The following PRL variants were observed in gnomAD, a reference collection of about 807,000 sequenced individuals.
PRL encodes the protein decidual prolactin.
A neutral mutation model predicts 21.3 loss-of-function variants in PRL; 24 were observed. The ratio of observed to expected loss-of-function variants is 1.13; its 90% CI spans 0.82 to 1.59. The LOEUF (loss-of-function observed/expected upper bound fraction) is 1.59. Ranked by LOEUF, PRL falls within the 40% of genes most tolerant of loss-of-function variation. The pLI, the probability that PRL is intolerant of heterozygous loss-of-function variation, is 0.00. For synonymous variants in PRL, 118 were observed against 115.7 expected (o/e 1.02, Z -0.13); for missense variants, 243 against 286.9 (o/e 0.85, Z 1.10).
rs777645827 is a variant in PRL at position 22,290,235 on chromosome 6, G to C, written c.431C>G (p.Ala144Gly). The C allele has an allele frequency of 1.9e-6, 3 of 1,612,488 alleles. No individual in the cohort carries two copies. The highest frequency in any genetic ancestry group is 2.5e-6 in the Non-Finnish European group (3 of 1,178,788). Residue 144 changes from alanine to glycine, a missense_variant, in exon 4 of 5, where the codon GCT becomes GGT. Ala to Gly is a moderately conservative substitution (Grantham distance 60). Transcript: ENST00000306482. Reference sequence around the variant, plus strand: ...TTTGGTTTGCTCCTCAATCTCTACAGCTTTGGATAGGATAGCCTCCGGGGC... The same window carrying C: ...TTTGGTTTGCTCCTCAATCTCTACACCTTTGGATAGGATAGCCTCCGGGGC... ...QEAPEAILSK[A>G]VEIEEQTKRL...
chr6:22,290,007 A>G (rs1761011560), intron 4 of PRL, among the ~76,000 whole-genome samples, 167 bp downstream of exon 4: 1 of 152,192 alleles, frequency 6.6e-6, no homozygotes, highest in East Asian at 1.9e-4. Flanking sequence ...ATTCATTTAC[A>G]TGTATGTAAA....
At chr6:22,293,818 A>G (rs1392095637) in intron 2 of PRL, among the ~76,000 whole-genome samples, 1 of 151,830 alleles carries the variant, frequency 6.6e-6, no homozygotes, top group Non-Finnish European at 1.5e-5. Context: ...GAAGGAAGGA[A>G]GGGAGGAAAA....
intron 4 of PRL, among the ~76,000 whole-genome samples, chr6:22,289,497 A>C (rs954306596): frequency 6.6e-6 from 1 of 152,218 alleles, no homozygotes; most frequent in Non-Finnish European, 1.5e-5. Flanking sequence ...GTACAATGAC[A>C]TGAGTTTTGA....
chr6:22,287,641 T>G (rs1760951214), intron 4 of PRL, 48 bp from the exon 5 acceptor site: 12 of 1,439,044 alleles, frequency 8.3e-6, no homozygotes, highest in Non-Finnish European at 1.1e-5. Context: ...TATTAGTATT[T>G]GTATGTCCTT....
upstream of PRL, chr6:22,297,380 G>C (rs1240921712): frequency 2.8e-5 from 5 of 181,034 alleles, no homozygotes; most frequent in Non-Finnish European, 5.8e-5. Context: ...TGAATATATA[G>C]GATTATATTT....
Position 22,294,535 on chromosome 6 carries a change from C to T in PRL, c.78G>A (p.Val26=), listed in dbSNP as rs6240. Reference sequence around the variant, plus strand: ...CGCCGGGACAGATGGGCAAGGGGGCCACGCTCTGGCACAGGAGCAGGTTTG... The same window carrying T: ...CGCCGGGACAGATGGGCAAGGGGGCTACGCTCTGGCACAGGAGCAGGTTTG... ...LVSNLLLCQS[V]APLPICPGGA... Residue 26 remains valine (V), a synonymous_variant, in exon 2 of 5, where the codon GTG becomes GTA. Coordinates refer to ENST00000306482, the MANE Select transcript of PRL (RefSeq NM_000948.6). 2.1e-3 allele frequency: 3,326 copies of T among 1,613,454 alleles called. 57 individuals are homozygous for T. In the African/African-American group the frequency reaches 0.038, roughly 18 times the overall value.
upstream of PRL, among the ~76,000 whole-genome samples, chr6:22,300,401 G>T (rs1761261402): frequency 3.9e-5 from 6 of 152,208 alleles, no homozygotes; most frequent in Admixed American, 3.9e-4. Context: ...CCAGTTACAG[G>T]CTACAAACTG....
At chr6:22,297,147 T>A (rs766788208), upstream of PRL, 1 of 655,280 alleles carries the variant, frequency 1.5e-6, no homozygotes, top group South Asian at 2.0e-5. Flanking sequence ...TCATTGAGAT[T>A]ACCCCCATAA....
chr6:22,298,351 T>G (rs935683185), upstream of PRL, among the ~76,000 whole-genome samples: 1 of 152,222 alleles, frequency 6.6e-6, no homozygotes, highest in Non-Finnish European at 1.5e-5. Context: ...TTTCTCTAAT[T>G]TTTAAGTCCA....
chr6:22,292,742 AT>A, intron 2 of PRL, 97 bp from the exon 3 acceptor site: 1 of 968,964 alleles, frequency 1.0e-6, no homozygotes, highest in Non-Finnish European at 1.5e-6. Flanking sequence ...CAGATGTGTA[AT>A]TTTAAAAAAT....
upstream of PRL, among the ~76,000 whole-genome samples, chr6:22,298,171 T>C (rs1761215866): frequency 6.6e-6 from 1 of 152,186 alleles, no homozygotes; most frequent in South Asian, 2.1e-4. Context: ...AGGATAGCAG[T>C]GTGTAAACTG....
At chr6:22,293,618 GGAA>G (rs1761102177) in intron 2 of PRL, among the ~76,000 whole-genome samples, 1 of 56,350 alleles carries the variant, frequency 1.8e-5, no homozygotes, top group African/African-American at 7.2e-5. Flanking sequence ...AAGGGAGGAG[GGAA>G]GGAGGGAAGG....
At chr6:22,287,685 T>A in intron 4 of PRL, 92 bp from the exon 5 acceptor site, 1 of 1,190,472 alleles carries the variant, frequency 8.4e-7, no homozygotes, top group Non-Finnish European at 1.1e-6. Flanking sequence ...GAATTGAGAA[T>A]GAGATATGAA....
At chr6:22,297,718 G>A (rs544478466), upstream of PRL, among the ~76,000 whole-genome samples, 1 of 152,276 alleles carries the variant, frequency 6.6e-6, no homozygotes, top group South Asian at 2.1e-4. Flanking sequence ...TATGTGTTAA[G>A]TGGTATTATT....
upstream of PRL, among the ~76,000 whole-genome samples, chr6:22,300,062 G>A (rs145831614): frequency 9.3e-4 from 142 of 152,152 alleles, 1 homozygote; most frequent in African/African-American, 3.1e-3. Flanking sequence ...CTGAATAGTC[G>A]TCTTCTAATG....
Position 22,288,923 on chromosome 6 carries a change from C to A in PRL, c.492+1251G>T, listed in dbSNP as rs922629174. Among the ~76,000 whole-genome samples, 1 of 147,938 alleles carries A rather than the reference C, an allele frequency of 6.8e-6. No homozygotes were observed. Among genetic ancestry groups the A allele is most frequent in the East Asian group, 2.0e-4 (1 of 5,008 alleles). Reference sequence around the variant, plus strand: ...GTGTGCGCGCGCGTGTGTGTGCGTGCGCGTGTGTGTGCATGTGTGTGTGCG... The same window carrying A: ...GTGTGCGCGCGCGTGTGTGTGCGTGAGCGTGTGTGTGCATGTGTGTGTGCG... On this transcript the variant is annotated intron_variant, in intron 4 of 4. Transcript: ENST00000306482. This position sits in a 1 kb window ranked among gnomAD's most constrained non-coding sequence, Gnocchi z 4.5.
chr6:22,289,850 TG>T, intron 4 of PRL, among the ~76,000 whole-genome samples: 1 of 152,184 alleles, frequency 6.6e-6, no homozygotes, highest in Non-Finnish European at 1.5e-5. Flanking sequence ...TGGGATACCC[TG>T]CAGAAAGCAT....
At chr6:22,294,098 A>C (rs1761121879) in intron 2 of PRL, among the ~76,000 whole-genome samples, 1 of 152,168 alleles carries the variant, frequency 6.6e-6, no homozygotes, top group African/African-American at 2.4e-5. Context: ...AGAACAAGAA[A>C]TCAACACTCT....
chr6:22,300,535 TAC>T (rs1761264475), upstream of PRL, among the ~76,000 whole-genome samples: 1 of 152,252 alleles, frequency 6.6e-6, no homozygotes, highest in African/African-American at 2.4e-5. Flanking sequence ...TCTAAACCAT[TAC>T]TCGTTTAGGG....
Sources: allele counts gnomAD v4.1 joint callset (sites outside exome capture counted in the v4.1 genomes callset), GRCh38; gene constraint gnomAD v4.1.1; non-coding constraint Gnocchi (gnomAD v3.1); transcripts MANE v1.5; gene names NCBI Gene and HGNC (gene_info 2026-07-23, HGNC 2026-07-21).